The following RAD54B variants were observed in gnomAD, a reference collection of about 807,000 sequenced individuals.
The protein encoded by RAD54B is DNA repair and recombination protein RAD54B.
Under a neutral mutation model 95.8 loss-of-function variants are expected in RAD54B, and 78 were observed. That is an observed-to-expected ratio of 0.81 (90% CI 0.68 to 0.98). The LOEUF is 0.98. Ranked by LOEUF, RAD54B falls within the 50% of genes least tolerant of loss-of-function variation. The pLI is 0.00. For synonymous variants in RAD54B, 328 were observed against 354.9 expected (o/e 0.92, Z 0.85); for missense variants, 957 against 1,056.6 (o/e 0.91, Z 1.31).
chr8:94,401,298 G>A (rs1185884913), intron 6 of RAD54B, among the ~76,000 whole-genome samples: 4 of 151,642 alleles, frequency 2.6e-5, no homozygotes, highest in South Asian at 2.1e-4. Flanking sequence ...CACCTCTTCC[G>A]CCACCTCTGC....
At chr8:94,432,215 T>C (rs944643964) in intron 3 of RAD54B, 2 of 1,550,288 alleles carry the variant, frequency 1.3e-6, no homozygotes, top group African/African-American at 2.7e-5. Context: ...TTAGTAGCTC[T>C]TCCTCTAGCT....
At chr8:94,422,603 AAAAAAAAAAAAAAAATATATAT>A (rs1259567840) in intron 3 of RAD54B, among the ~76,000 whole-genome samples, 18 of 97,278 alleles carry the variant, frequency 1.9e-4, no homozygotes, top group African/African-American at 9.0e-4. Context: ...AAAAAAAAAA[AAAAAAAAAAAAAAAATATATAT>A]ATATATATAT....
In RAD54B at chr8:94,378,576, A is replaced by G. The variant is rs1441242026; in HGVS notation, c.2306T>C (p.Leu769Pro). 1 of 1,605,664 alleles carries G rather than the reference A, an allele frequency of 6.2e-7. No homozygotes were observed. Among genetic ancestry groups the G allele is most frequent in the Non-Finnish European group, 8.5e-7 (1 of 1,175,288 alleles). Reference sequence around the variant, plus strand: ...CACTGAAGGGTTGTTACCTGTAGTTAGGAGTCTGTAAATATGTACAGGATA... The same window carrying G: ...CACTGAAGGGTTGTTACCTGTAGTTGGGAGTCTGTAAATATGTACAGGATA... ...QKYPVHIYRL[L>P]TTGTIEEKIY... is the part of the protein sequence containing the mutation. The change falls in exon 13 of 15, where the codon CTA becomes CCA. Residue 769 changes from leucine to proline, a missense_variant. Physicochemically the swap from Leu to Pro is moderately conservative, Grantham distance 98. Coordinates refer to ENST00000336148, the MANE Select transcript of RAD54B (RefSeq NM_012415.3).
chr8:94,408,066 A>G (rs1187414204), intron 4 of RAD54B, among the ~76,000 whole-genome samples: 1 of 152,130 alleles, frequency 6.6e-6, no homozygotes, highest in Admixed American at 6.6e-5. Context: ...AAACTACAGA[A>G]ACATCATGGT....
At chr8:94,453,523 C>T (rs574527097) in intron 3 of RAD54B, among the ~76,000 whole-genome samples, 23 of 151,924 alleles carry the variant, frequency 1.5e-4, no homozygotes, top group South Asian at 1.5e-3. Context: ...AGCAAGACTC[C>T]GTCTCAAAAA....
chr8:94,456,216 G>A (rs772223227), intron 3 of RAD54B, among the ~76,000 whole-genome samples: 3 of 152,084 alleles, frequency 2.0e-5, no homozygotes, highest in Non-Finnish European at 2.9e-5. Context: ...CTCACACAAA[G>A]GATATTATCT....
intron 6 of RAD54B, 35 bp downstream of exon 6, chr8:94,404,042 T>A: frequency 6.7e-7 from 1 of 1,492,566 alleles, no homozygotes; most frequent in South Asian, 1.3e-5. Flanking sequence ...AAATCAAAAT[T>A]CAGATTAGAT....
chr8:94,449,609 C>T (rs1356333099), intron 3 of RAD54B, among the ~76,000 whole-genome samples: 2 of 66,648 alleles, frequency 3.0e-5, no homozygotes, highest in African/African-American at 1.2e-4. Context: ...ACTCTGTCTC[C>T]AAAAAAAAAA....
At chr8:94,460,873 T>C (rs1812884208) in intron 2 of RAD54B, among the ~76,000 whole-genome samples, 1 of 152,108 alleles carries the variant, frequency 6.6e-6, no homozygotes, top group Non-Finnish European at 1.5e-5. Flanking sequence ...TCACCATCTC[T>C]TTCTCTGATC....
chr8:94,374,076 G>A (rs1254214683), intron 14 of RAD54B, among the ~76,000 whole-genome samples: 13 of 152,038 alleles, frequency 8.6e-5, no homozygotes, highest in South Asian at 4.1e-4. Context: ...TCAGGTGATC[G>A]AGACCATCCT....
intron 3 of RAD54B, among the ~76,000 whole-genome samples, chr8:94,416,523 A>T (rs563996436): frequency 8.0e-5 from 12 of 150,640 alleles, no homozygotes; most frequent in Admixed American, 1.3e-4. Context: ...TAATAATAAT[A>T]AAAAAAAAGA....
intron 2 of RAD54B, among the ~76,000 whole-genome samples, chr8:94,465,683 GA>G (rs1813008446): frequency 6.6e-6 from 1 of 152,072 alleles, no homozygotes; most frequent in Non-Finnish European, 1.5e-5. Context: ...ATTAAAACAG[GA>G]ACACAAACAG....
intron 14 of RAD54B, chr8:94,373,203 C>T (rs1810482673): frequency 6.6e-6 from 1 of 152,094 alleles, no homozygotes; most frequent in Admixed American, 6.5e-5. Flanking sequence ...CGAGCCTATG[C>T]AATTAAAGCC....
At chr8:94,423,693 TAA>T (rs943283396) in intron 3 of RAD54B, among the ~76,000 whole-genome samples, 17 of 152,230 alleles carry the variant, frequency 1.1e-4, no homozygotes, top group Non-Finnish European at 2.4e-4. Context: ...TCTTCCCAGA[TAA>T]AGTTTTGAGG....
At chr8:94,377,843 G>A (rs1389570287) in intron 14 of RAD54B, among the ~76,000 whole-genome samples, 2 of 149,532 alleles carry the variant, frequency 1.3e-5, no homozygotes, top group Non-Finnish European at 3.0e-5. Flanking sequence ...GGGCGTGGTA[G>A]CGGGCGCCTG....
intron 5 of RAD54B, among the ~76,000 whole-genome samples, chr8:94,405,258 A>T (rs1446725933): frequency 6.6e-6 from 1 of 152,242 alleles, no homozygotes; most frequent in Non-Finnish European, 1.5e-5. Context: ...GTCTCAATTG[A>T]TAAATCTGAA....
At chr8:94,425,234 T>TG (rs1424593383) in intron 3 of RAD54B, among the ~76,000 whole-genome samples, 1 of 148,814 alleles carries the variant, frequency 6.7e-6, no homozygotes, top group African/African-American at 2.5e-5. Context: ...ATATTCTTTT[T>TG]TTTTTTTTTT....
At chr8:94,396,353 ACT>A (rs1263693383) in intron 8 of RAD54B, among the ~76,000 whole-genome samples, 1 of 149,658 alleles carries the variant, frequency 6.7e-6, no homozygotes, top group African/African-American at 2.5e-5. Context: ...AAATGAAAGG[ACT>A]CTTTCTTTTC....
At chr8:94,444,658 A>T (rs1812478933) in intron 3 of RAD54B, among the ~76,000 whole-genome samples, 2 of 152,190 alleles carry the variant, frequency 1.3e-5, no homozygotes, top group African/African-American at 4.8e-5. Flanking sequence ...CAGCCCTGGA[A>T]TACCCAGCCT....
Sources: gnomAD v4.1 joint callset for allele counts (sites outside exome capture counted in the v4.1 genomes callset) on GRCh38, gnomAD v4.1.1 for gene constraint, MANE v1.5 for transcripts, NCBI Gene and HGNC (gene_info 2026-07-23, HGNC 2026-07-21) for gene names.